Variants in RGS12 observed in about 807,000 individuals in gnomAD.
RGS12 encodes the protein regulator of G protein signaling 12, also known as regulator of G-protein signaling 12.
RGS12 carries 66 observed loss-of-function variants against 120.1 expected under a neutral mutation model. The ratio of observed to expected loss-of-function variants is 0.55; its 90% CI spans 0.45 to 0.67. RGS12 has a LOEUF of 0.67. Ranked by LOEUF, RGS12 falls within the 30% of genes least tolerant of loss-of-function variation. The probability of loss-of-function intolerance (pLI) is 0.00; values close to 1 mark genes in which losing one functional copy is unlikely to be tolerated. For synonymous variants in RGS12, 827 were observed against 804.7 expected, an observed-to-expected ratio of 1.03 and a Z score of -0.47; for missense variants, 1,859 against 1,957.7, an observed-to-expected ratio of 0.95 and a Z score of 0.95.
At position 3,433,828 on chromosome 4, in the gene RGS12, GCC is replaced by G. The variant is rs1418503869; in HGVS notation, c.4114+2874_4114+2875del. 2.6e-5 allele frequency among the ~76,000 whole-genome samples: 4 copies of G among 152,156 alleles called. No homozygotes were observed. The highest frequency in any genetic ancestry group is 9.7e-5 in the African/African-American group (4 of 41,448). On this transcript the variant is annotated intron_variant, in intron 17 of 17. Coordinates refer to ENST00000336727, the MANE Select transcript of RGS12 (RefSeq NM_001394154.1). This position sits in a 1 kb window ranked among gnomAD's most constrained non-coding sequence, Gnocchi z 4.4. ...CCGAGACCATGCACCATGCAGGCTG[GCC>G]GGTGCCCCCATGCATGTCTGGTCCC...
At chr4:3,386,389 C>T in intron 3 of RGS12, 27 bp from the exon 4 acceptor site, 4 of 1,609,292 alleles carry the variant, frequency 2.5e-6, no homozygotes, top group Non-Finnish European at 3.4e-6. Context: ...GCTTAATTAA[C>T]TCATGTCTCT....
rs16844336 is a variant in RGS12 at position 3,425,348 on chromosome 4, A to G, written c.3235-116A>G. The G allele has an allele frequency of 2.4e-3, 2,164 of 909,984 alleles. 36 individuals are homozygous for G. The African/African-American group carries it at 0.032, about 13-fold the overall frequency. 56.4% of individuals were successfully genotyped at this position (909,984 alleles called of 1,614,324 possible). On this transcript the variant is annotated intron_variant, in intron 13 of 17. Coordinates refer to ENST00000336727, the MANE Select transcript of RGS12 (RefSeq NM_001394154.1). ...GTCAGGCAGGCCTCACCTCGGGGCC[A>G]TCTCCTGCGTGACTCCATCAAGCCT...
At chr4:3,301,939 C>A (rs1231099054) in intron 1 of RGS12, among the ~76,000 whole-genome samples, 1 of 151,922 alleles carries the variant, frequency 6.6e-6, no homozygotes. Flanking sequence ...GGGGCGCACT[C>A]ATACTAGGAA....
rs906267823 is a variant in RGS12 at position 3,423,612 on chromosome 4, C to T, written c.3205C>T (p.Leu1069=). 3.7e-6 allele frequency: 6 copies of T among 1,611,072 alleles called. No individual in the cohort carries two copies. The highest frequency in any genetic ancestry group is 1.1e-5 in the South Asian group (1 of 91,070). The change falls in exon 13 of 18, where the codon CTG becomes TTG. Residue 1069 remains leucine, a synonymous_variant. Coordinates refer to ENST00000336727, the MANE Select transcript of RGS12 (RefSeq NM_001394154.1). The stretch of plus-strand genomic sequence containing the variant: ...GCGGCCCGTGGTGGCCAGATACGGC[C>T]TGGACCTCAGTGGCCTGCTGGTGAG... ...VLRPVVARYG[L]DLSGLLVRLS...
intron 3 of RGS12, among the ~76,000 whole-genome samples, chr4:3,371,148 G>A (rs1409556806): frequency 6.6e-6 from 1 of 152,208 alleles, no homozygotes; most frequent in Non-Finnish European, 1.5e-5. Context: ...ATAGACATGG[G>A]TCTGCTGGGC....
intron 6 of RGS12, 123 bp downstream of exon 6, chr4:3,414,967 AGAGGGGCGTGTGAGAGGTTGCGTGT>A (rs1722192128): frequency 2.1e-6 from 1 of 476,318 alleles, no homozygotes; most frequent in South Asian, 2.3e-5. Context: ...GAGGGGCGTG[AGAGGGGCGTGTGAGAGGTTGCGTGT>A]GAGGGGCGTG....
chr4:3,397,149 A>T (rs1366912360), intron 4 of RGS12, among the ~76,000 whole-genome samples: 1 of 152,188 alleles, frequency 6.6e-6, no homozygotes, highest in African/African-American at 2.4e-5. Flanking sequence ...TCTTGCTCGA[A>T]AGAAGGTGAG....
chr4:3,370,092 A>G (rs910524182), intron 3 of RGS12: 11 of 1,331,216 alleles, frequency 8.3e-6, no homozygotes, highest in South Asian at 2.5e-5. Context: ...CAATTGAGAT[A>G]GAGTCTGAAA....
intron 3 of RGS12, among the ~76,000 whole-genome samples, chr4:3,368,440 CTGTG>C (rs1260212056): frequency 4.2e-5 from 4 of 95,186 alleles, no homozygotes; most frequent in Admixed American, 1.2e-4. Context: ...GTGTGGGTGC[CTGTG>C]TGTGTGTGGG....
At chr4:3,399,093 A>T (rs1720334056) in intron 4 of RGS12, among the ~76,000 whole-genome samples, 1 of 152,228 alleles carries the variant, frequency 6.6e-6, no homozygotes, top group South Asian at 2.1e-4. Flanking sequence ...AGAACCATTT[A>T]TGGTTCTATA....
chr4:3,375,797 G>A (rs1011347273), intron 3 of RGS12, among the ~76,000 whole-genome samples: 3 of 152,168 alleles, frequency 2.0e-5, no homozygotes, highest in Admixed American at 1.3e-4. Context: ...GCTCCTGGTG[G>A]CCAGCTGTGT....
chr4:3,306,852 G>T (rs1033329310), intron 1 of RGS12, among the ~76,000 whole-genome samples: 6 of 152,194 alleles, frequency 3.9e-5, no homozygotes, highest in African/African-American at 1.4e-4. Flanking sequence ...CACTGGAGGA[G>T]CTGGGTTGGG....
intron 3 of RGS12, chr4:3,370,164 G>A: frequency 6.4e-7 from 1 of 1,565,620 alleles, no homozygotes. Context: ...GGAGCGAGAG[G>A]GAACTTCATC....
chr4:3,386,394 G>A (rs1553815368), intron 3 of RGS12, 22 bp from the exon 4 acceptor site: 1 of 1,609,066 alleles, frequency 6.2e-7, no homozygotes, highest in Non-Finnish European at 8.5e-7. Flanking sequence ...ATTAACTCAT[G>A]TCTCTCTCTC....
intron 7 of RGS12, 38 bp from the exon 8 acceptor site, chr4:3,416,874 TC>T (rs770192328): frequency 6.4e-7 from 1 of 1,550,718 alleles, no homozygotes; most frequent in Non-Finnish European, 8.8e-7. Context: ...CATGTCTGGG[TC>T]CCTCCTGTGA....
chr4:3,343,699 C>A (rs1419010273), intron 3 of RGS12, among the ~76,000 whole-genome samples: 1 of 152,078 alleles, frequency 6.6e-6, no homozygotes, highest in Non-Finnish European at 1.5e-5. Flanking sequence ...GCACCCACCG[C>A]TGTGTATCAC....
chr4:3,417,270 G>A (rs1722511000), intron 8 of RGS12, 118 bp from the exon 9 acceptor site: 2 of 1,326,618 alleles, frequency 1.5e-6, no homozygotes, highest in East Asian at 5.1e-5. Flanking sequence ...ATGACCTGTA[G>A]AAGTGATACC....
chr4:3,429,944 G>T (rs1335023298), intron 16 of RGS12, among the ~76,000 whole-genome samples: 1 of 152,170 alleles, frequency 6.6e-6, no homozygotes, highest in Non-Finnish European at 1.5e-5. Flanking sequence ...CCCTCCTCGG[G>T]TTCATTCTGC....
chr4:3,362,704 TGAGGCTGTGTGAGGGTGAGG>T (rs1715777520), intron 3 of RGS12, among the ~76,000 whole-genome samples: 3 of 140,572 alleles, frequency 2.1e-5, no homozygotes, highest in African/African-American at 2.7e-5. Context: ...AGGGTGTGTG[TGAGGCTGTGTGAGGGTGAGG>T]GTGCGAGGAT....
Sources: allele counts gnomAD v4.1 joint callset (sites outside exome capture counted in the v4.1 genomes callset), GRCh38; gene constraint gnomAD v4.1.1; non-coding constraint Gnocchi (gnomAD v3.1); transcripts MANE v1.5; gene names NCBI Gene and HGNC (gene_info 2026-07-23, HGNC 2026-07-21).